GABRA4: variants seen among roughly 807,000 people sequenced by gnomAD.
GABRA4 encodes gamma-aminobutyric acid type A receptor subunit alpha4, also known as gamma-aminobutyric acid receptor subunit alpha-4.
In GABRA4, 12 loss-of-function variants were observed where a neutral mutation model predicts 49.7. That is an observed-to-expected ratio of 0.24 (90% CI 0.15 to 0.39). The LOEUF (loss-of-function observed/expected upper bound fraction) is 0.39, where lower values mean the gene tolerates loss of function less well. Ranked by LOEUF, GABRA4 falls within the 10% of genes least tolerant of loss-of-function variation. The pLI, the probability that GABRA4 is intolerant of heterozygous loss-of-function variation, is 1.00. For missense variants in GABRA4, 506 were observed against 686.0 expected (o/e 0.74, Z 2.93); for synonymous variants, 288 against 240.2 (o/e 1.20, Z -1.84).
intron 8 of GABRA4, among the ~76,000 whole-genome samples, chr4:46,942,136 T>G (rs1721822551): frequency 6.6e-6 from 1 of 152,160 alleles, no homozygotes; most frequent in Non-Finnish European, 1.5e-5. Flanking sequence ...GAGTACCTAT[T>G]TATGTTCCAG....
intron 6 of GABRA4, among the ~76,000 whole-genome samples, chr4:46,971,944 T>C (rs958720294): frequency 3.3e-5 from 5 of 150,756 alleles, no homozygotes; most frequent in African/African-American, 1.2e-4. Flanking sequence ...CCATAAGATT[T>C]CTGGTAGCTG....
At chr4:46,975,894 C>T (rs1723125518) in intron 5 of GABRA4, among the ~76,000 whole-genome samples, 2 of 151,932 alleles carry the variant, frequency 1.3e-5, no homozygotes, top group Admixed American at 6.6e-5. Context: ...ACATAATACT[C>T]TCTGGCTTCA....
intron 2 of GABRA4, among the ~76,000 whole-genome samples, chr4:46,984,079 G>T (rs1560483888): frequency 6.6e-6 from 1 of 152,034 alleles, no homozygotes; most frequent in African/African-American, 2.4e-5. Context: ...TACAGATATG[G>T]TTAAAGGGTG....
intron 2 of GABRA4, among the ~76,000 whole-genome samples, chr4:46,987,849 C>T (rs896889615): frequency 6.6e-6 from 1 of 152,084 alleles, no homozygotes; most frequent in African/African-American, 2.4e-5. Flanking sequence ...TAACTCAAAC[C>T]ATGTCATTCC....
chr4:46,945,052 A>T (rs1445851337), intron 8 of GABRA4, among the ~76,000 whole-genome samples: 1 of 152,168 alleles, frequency 6.6e-6, no homozygotes, highest in African/African-American at 2.4e-5. Context: ...AATGTTCCAC[A>T]CAATGTGTTT....
rs544972742 is a variant in GABRA4, at chr4:46,926,189, G to C, written c.*2036C>G. ...AAGTACGCTCTGAATAACTAGTAGC[G>C]AATGAATTGTGCTTCCAACCATATT... On this transcript the variant is annotated 3_prime_UTR_variant, in exon 9 of 9. Transcript: ENST00000264318. The C allele has an allele frequency of 2.0e-5, 3 of 151,854 alleles. No homozygotes were observed. The highest frequency in any genetic ancestry group is 7.2e-5 in the African/African-American group (3 of 41,404). 9.4% of individuals were successfully genotyped at this position (151,854 alleles called of 1,614,324 possible).
Position 46,971,098 on chromosome 4 carries a change from C to T in GABRA4, c.859G>A (p.Ala287Thr). 2 of 1,608,852 alleles carry T rather than the reference C, an allele frequency of 1.2e-6. No homozygotes were observed. The highest frequency in any genetic ancestry group is 8.5e-7 in the Non-Finnish European group (1 of 1,176,734). The change falls in exon 7 of 9, where the codon GCT becomes ACT. Residue 287 changes from alanine to threonine, a missense_variant. Coordinates refer to ENST00000264318, the MANE Select transcript of GABRA4 (RefSeq NM_000809.4). ...TTGCAATTACCAAATACAGTCCTAG[C>T]GGGAACTGATTCTTTATTTATCCAA... The part of the protein sequence containing the change: ...SFWINKESVP[A>T]RTVFGITTVL...
chr4:46,958,616 G>A (rs1331143654), intron 8 of GABRA4, among the ~76,000 whole-genome samples: 1 of 151,850 alleles, frequency 6.6e-6, no homozygotes, highest in Non-Finnish European at 1.5e-5. Flanking sequence ...GCAGCATCAA[G>A]GTAATAATCA....
chr4:46,944,579 G>C (rs1009432677), intron 8 of GABRA4, among the ~76,000 whole-genome samples: 1 of 152,094 alleles, frequency 6.6e-6, no homozygotes, highest in African/African-American at 2.4e-5. Context: ...GGATGTCTTA[G>C]TTTAGTTCTA....
At chr4:46,943,291 G>A (rs906171797) in intron 8 of GABRA4, among the ~76,000 whole-genome samples, 1 of 152,026 alleles carries the variant, frequency 6.6e-6, no homozygotes, top group African/African-American at 2.4e-5. Flanking sequence ...AGCTGTTTCT[G>A]CTTCCTTCTG....
At position 46,922,098 on chromosome 4, in the gene GABRA4, G is replaced by A. The variant is rs1331811274; in HGVS notation, c.*6127C>T. ...AGAGGTAAAGATAAAAATTCTGATAGACTATATTTGAGAGTTGTGAACAAG... is the reference window on the plus strand; with the variant it reads ...AGAGGTAAAGATAAAAATTCTGATAAACTATATTTGAGAGTTGTGAACAAG... On this transcript the variant is annotated 3_prime_UTR_variant, in exon 9 of 9. Transcript: ENST00000264318. 2 of 152,052 alleles carry A rather than the reference G, an allele frequency of 1.3e-5. No individual in the cohort carries two copies. The highest frequency in any genetic ancestry group is 4.8e-5 in the African/African-American group (2 of 41,412). 9.4% of individuals were successfully genotyped at this position (152,052 alleles called of 1,614,324 possible). A position where few individuals can be genotyped will look rare whatever the true frequency, so the allele number is the denominator to read the frequency against.
In GABRA4 at chr4:46,924,193, C is replaced by T. The variant is rs1038670813; in HGVS notation, c.*4032G>A. On this transcript the variant is annotated 3_prime_UTR_variant, in exon 9 of 9. Transcript: ENST00000264318. ...TGCTGAGCAATTTTGGAGCCTGAGG[C>T]AGAAGAAAATATTATTACTACTGAT... 2.6e-5 allele frequency: 4 copies of T among 152,022 alleles called. No homozygotes were observed. Among genetic ancestry groups the T allele is most frequent in the African/African-American group, 7.2e-5 (3 of 41,410 alleles). The allele number at this position is 152,022 out of a possible 1,614,324, so 9.4% of individuals were successfully genotyped here. A position where few individuals can be genotyped will look rare whatever the true frequency, so the allele number is the denominator to read the frequency against.
intron 8 of GABRA4, among the ~76,000 whole-genome samples, chr4:46,962,502 G>A (rs1403337023): frequency 1.3e-5 from 2 of 151,806 alleles, no homozygotes; most frequent in African/African-American, 4.8e-5. Flanking sequence ...TGGATTGGAA[G>A]AATCAATATT....
chr4:46,981,309 C>T (rs768056699), intron 2 of GABRA4, among the ~76,000 whole-genome samples: 4 of 151,996 alleles, frequency 2.6e-5, no homozygotes, highest in Non-Finnish European at 4.4e-5. Flanking sequence ...AGTGTGTGGG[C>T]GTATGCTAAT....
In GABRA4 at chr4:46,965,063, T is replaced by G. The variant is rs750668123; in HGVS notation, c.1041A>C (p.Gln347His). ...ATGTCTTCCTTTTGGCTTTTTCCAT[T>G]TGAATATTGGTGAAATAGTTGACAG... ...FAAVNYFTNI[Q>H]MEKAKRKTSK... The change falls in exon 8 of 9, where the codon CAA becomes CAC. Residue 347 changes from glutamine (Q) to histidine (H), a missense_variant. Gln to His is a conservative substitution (Grantham distance 24). Transcript: ENST00000264318. The G allele has an allele frequency of 2.5e-6, 4 of 1,612,058 alleles. No homozygotes were observed. Among genetic ancestry groups the G allele is most frequent in the Non-Finnish European group, 3.4e-6 (4 of 1,178,798 alleles).
intron 7 of GABRA4, among the ~76,000 whole-genome samples, chr4:46,969,278 GT>G (rs1359125948): frequency 3.3e-5 from 5 of 151,422 alleles, no homozygotes; most frequent in South Asian, 2.1e-4. Context: ...GTATACATGA[GT>G]TTTTTTATGC....
chr4:46,947,548 A>G (rs1467692820), intron 8 of GABRA4, among the ~76,000 whole-genome samples: 1 of 151,996 alleles, frequency 6.6e-6, no homozygotes, highest in Non-Finnish European at 1.5e-5. Context: ...AAGGGGAGAA[A>G]GAAGGATAGA....
chr4:46,943,923 T>C (rs889284778), intron 8 of GABRA4, among the ~76,000 whole-genome samples: 1 of 152,096 alleles, frequency 6.6e-6, no homozygotes, highest in African/African-American at 2.4e-5. Context: ...ATAGCATACA[T>C]TGTACCCATT....
intron 8 of GABRA4, among the ~76,000 whole-genome samples, chr4:46,940,313 C>T (rs1019939414): frequency 1.3e-5 from 2 of 152,056 alleles, no homozygotes; most frequent in Admixed American, 6.6e-5. Flanking sequence ...TCAGCTCCAT[C>T]TGTAGCCCAG....
Sources: gnomAD v4.1 joint callset for allele counts (sites outside exome capture counted in the v4.1 genomes callset) on GRCh38, gnomAD v4.1.1 for gene constraint, MANE v1.5 for transcripts, NCBI Gene and HGNC (gene_info 2026-07-23, HGNC 2026-07-21) for gene names.